CFAP20DC: variants seen among roughly 807,000 people sequenced by gnomAD.
CFAP20DC encodes CFAP20 domain containing, also known as protein CFAP20DC.
CFAP20DC carries 84 observed loss-of-function variants against 101.7 expected under a neutral mutation model. The observed-to-expected ratio is 0.83, with a 90% CI of 0.69 to 0.99. The LOEUF (loss-of-function observed/expected upper bound fraction) is 0.99. Among genes scored for constraint, CFAP20DC ranks in the 50% least tolerant of loss-of-function variants. The probability of loss-of-function intolerance (pLI) is 0.00; values close to 1 mark genes in which losing one functional copy is unlikely to be tolerated. For missense variants in CFAP20DC, 1,007 were observed against 970.3 expected (o/e 1.04, Z -0.50); for synonymous variants, 359 against 351.2 (o/e 1.02, Z -0.25).
chr3:58,738,213 T>G (rs1284382816), downstream of CFAP20DC, among the ~76,000 whole-genome samples: 1 of 152,092 alleles, frequency 6.6e-6, no homozygotes, highest in Non-Finnish European at 1.5e-5. The surrounding 1 kb of genome is among the most constrained non-coding windows in gnomAD (Gnocchi z 4.4). Flanking sequence ...CCAGGGTACA[T>G]GTACAGGATG....
intron 4 of CFAP20DC, among the ~76,000 whole-genome samples, chr3:59,028,365 A>T (rs2093929538): frequency 1.3e-5 from 2 of 152,242 alleles, no homozygotes; most frequent in African/African-American, 2.4e-5. Context: ...ATTCGCAGGC[A>T]TTTAGCTCTT....
chr3:59,027,360 A>G (rs1459544581), intron 4 of CFAP20DC, among the ~76,000 whole-genome samples: 1 of 152,180 alleles, frequency 6.6e-6, no homozygotes, highest in East Asian at 1.9e-4. Context: ...GGCTCAACAC[A>G]TGAAAGCTTG....
intron 6 of CFAP20DC, among the ~76,000 whole-genome samples, chr3:58,895,834 G>A (rs922488144): frequency 4.6e-5 from 7 of 152,180 alleles, no homozygotes; most frequent in African/African-American, 1.7e-4. Context: ...AAGGCAAGGA[G>A]GAGCAAGTCA....
chr3:58,895,645 C>A (rs2106934527), intron 6 of CFAP20DC, among the ~76,000 whole-genome samples: 1 of 152,282 alleles, frequency 6.6e-6, no homozygotes, highest in African/African-American at 2.4e-5. Flanking sequence ...AAAGTTGTTT[C>A]TACATTTTCA....
At chr3:58,735,970 A>AT (rs373439820) in intron 3 of CFAP20DC, among the ~76,000 whole-genome samples, 88 of 151,948 alleles carry the variant, frequency 5.8e-4, no homozygotes, top group African/African-American at 1.5e-3. Flanking sequence ...TGGCGCCACC[A>AT]TTTTTTTTAA....
At chr3:59,019,368 G>T (rs1037352295) in intron 4 of CFAP20DC, among the ~76,000 whole-genome samples, 2 of 151,792 alleles carry the variant, frequency 1.3e-5, no homozygotes, top group African/African-American at 4.8e-5. Context: ...GGTGACGCAC[G>T]AGTTCTGGCC....
At chr3:58,903,474 C>G (rs72881672) in intron 6 of CFAP20DC, among the ~76,000 whole-genome samples, 6,525 of 152,128 alleles carry the variant, frequency 0.043, 461 homozygotes, top group African/African-American at 0.15. Flanking sequence ...TCTCAGGCTG[C>G]TATGAAGAAA....
At chr3:58,759,604 T>G in intron 15 of CFAP20DC, among the ~76,000 whole-genome samples, 1 of 152,212 alleles carries the variant, frequency 6.6e-6, no homozygotes, top group Non-Finnish European at 1.5e-5. Flanking sequence ...CATGAAGTCC[T>G]TGCCCATGCC....
intron 4 of CFAP20DC, among the ~76,000 whole-genome samples, chr3:59,033,171 T>C (rs1272847609): frequency 6.6e-6 from 1 of 152,002 alleles, no homozygotes; most frequent in Non-Finnish European, 1.5e-5. Context: ...AAAAAGGATG[T>C]CCACACAAAA....
At position 58,884,682 on chromosome 3, in the gene CFAP20DC, T is replaced by C; in HGVS notation, c.578A>G (p.Asp193Gly). Residue 193 changes from aspartate (D) to glycine (G), a missense_variant, in exon 7 of 17, where the codon GAT (aspartate) becomes GGT (glycine). Asp to Gly is a moderately conservative substitution (Grantham distance 94). Coordinates refer to ENST00000482387, the MANE Select transcript of CFAP20DC (RefSeq NM_001394063.1). ...TCGTGGTATAATATCTGTAGGCTCA[T>C]CTGTTGAAAAGGGAACACCATAGAC... ...DAVYGVPFST[D>G]EPTDIIPRSC... The C allele has an allele frequency of 6.2e-7, 1 of 1,613,750 alleles. No homozygotes were observed. The highest frequency in any genetic ancestry group is 8.5e-7 in the Non-Finnish European group (1 of 1,179,746).
chr3:58,842,286 G>A (rs1378203511), intron 13 of CFAP20DC, among the ~76,000 whole-genome samples: 1 of 152,184 alleles, frequency 6.6e-6, no homozygotes. Flanking sequence ...GCCAGACAGT[G>A]GGCGCAGGCC....
At chr3:58,761,406 C>T (rs1178881006) in intron 15 of CFAP20DC, among the ~76,000 whole-genome samples, 4 of 151,948 alleles carry the variant, frequency 2.6e-5, no homozygotes, top group South Asian at 4.2e-4. Context: ...TTTTATTGCA[C>T]CTATTTGATT....
At chr3:58,800,408 C>T (rs1018550066) in intron 15 of CFAP20DC, among the ~76,000 whole-genome samples, 22 of 152,158 alleles carry the variant, frequency 1.4e-4, no homozygotes, top group African/African-American at 5.3e-4. Flanking sequence ...AGAGACAGAA[C>T]AGGGATCACC....
At chr3:58,942,408 TGC>T (rs1421411124) in intron 4 of CFAP20DC, among the ~76,000 whole-genome samples, 1 of 152,164 alleles carries the variant, frequency 6.6e-6, no homozygotes, top group African/African-American at 2.4e-5. Context: ...AGACAGTGGT[TGC>T]AGTCCATGGA....
At chr3:58,764,174 T>C (rs1222023698) in intron 15 of CFAP20DC, among the ~76,000 whole-genome samples, 1 of 152,188 alleles carries the variant, frequency 6.6e-6, no homozygotes, top group Non-Finnish European at 1.5e-5. Flanking sequence ...TGAGCTGCAG[T>C]GGGCTCCACC....
chr3:58,826,977 ACAGT>A lies in CFAP20DC; in HGVS notation c.2175+4705_2175+4708del, dbSNP rs542819940. Among the ~76,000 whole-genome samples, 9 of 152,262 alleles carry A rather than the reference ACAGT, an allele frequency of 5.9e-5. No individual in the cohort carries two copies. In the South Asian group the frequency reaches 1.5e-3, roughly 25 times the overall value. On this transcript the variant is annotated intron_variant, in intron 14 of 16. Coordinates refer to ENST00000482387, the MANE Select transcript of CFAP20DC (RefSeq NM_001394063.1). ...CAGAAATAAGCAAAAGGAGGGATAA[ACAGT>A]CAGAGTACAGAGAATTTTAGGGGCA...
chr3:59,024,979 A>G (rs928234891), intron 4 of CFAP20DC, among the ~76,000 whole-genome samples: 17 of 152,210 alleles, frequency 1.1e-4, no homozygotes, highest in Non-Finnish European at 8.8e-5. Flanking sequence ...GTCTTCAATC[A>G]TCACTGTTAG....
In CFAP20DC at chr3:58,914,261, C is replaced by T. The variant is rs560894869; in HGVS notation, c.394-397G>A. Among the ~76,000 whole-genome samples, 1 of 152,224 alleles carries T rather than the reference C, an allele frequency of 6.6e-6. No individual in the cohort carries two copies. The highest frequency in any genetic ancestry group is 1.5e-5 in the Non-Finnish European group (1 of 67,996). ...AGGGGACTAATTTGATCACAATTAGCCACTCGTATTTGTTGAAAAAGGCAT... is the reference window on the plus strand; with the variant it reads ...AGGGGACTAATTTGATCACAATTAGTCACTCGTATTTGTTGAAAAAGGCAT... On this transcript the variant is annotated intron_variant, in intron 5 of 16. Coordinates refer to ENST00000482387, the MANE Select transcript of CFAP20DC (RefSeq NM_001394063.1). This position sits in a 1 kb window ranked among gnomAD's most constrained non-coding sequence, Gnocchi z 4.9.
chr3:58,767,271 T>C (rs2070405819), intron 15 of CFAP20DC, among the ~76,000 whole-genome samples: 1 of 152,240 alleles, frequency 6.6e-6, no homozygotes, highest in South Asian at 2.1e-4. Context: ...AAGCATGCTT[T>C]TGTTTCCTTA....
Sources: allele counts gnomAD v4.1 joint callset (sites outside exome capture counted in the v4.1 genomes callset), GRCh38; gene constraint gnomAD v4.1.1; non-coding constraint Gnocchi (gnomAD v3.1); transcripts MANE v1.5; gene names NCBI Gene and HGNC (gene_info 2026-07-23, HGNC 2026-07-21).